Variants in NBEA observed in about 807,000 individuals in gnomAD.
NBEA encodes neurobeachin, also known as lysosomal-trafficking regulator 2.
In NBEA, 44 loss-of-function variants were observed where a neutral mutation model predicts 343.4. The observed-to-expected ratio is 0.13, with a 90% CI of 0.10 to 0.16. The LOEUF is 0.16. Ranked by LOEUF, NBEA falls within the 10% of genes least tolerant of loss-of-function variation. The probability of loss-of-function intolerance (pLI) is 1.00; values close to 1 mark genes in which losing one functional copy is unlikely to be tolerated. For synonymous variants in NBEA, 1,175 were observed against 1,238.7 expected (o/e 0.95, Z 1.08); for missense variants, 2,555 against 3,631.3 (o/e 0.70, Z 7.62).
At chr13:35,124,535 CATATATGGATATATATATACATACACAT>C (rs1427511324) in intron 17 of NBEA, among the ~76,000 whole-genome samples, 22 of 149,068 alleles carry the variant, frequency 1.5e-4, no homozygotes, top group African/African-American at 4.9e-4. Context: ...TATATACACA[CATATATGGATATATATATACATACACAT>C]ATATATGGAT....
intron 34 of NBEA, among the ~76,000 whole-genome samples, chr13:35,256,542 G>A (rs2032614974): frequency 6.6e-6 from 1 of 152,180 alleles, no homozygotes; most frequent in Non-Finnish European, 1.5e-5. Flanking sequence ...TTCTGCCCAG[G>A]AGCCTTTCTT....
At chr13:35,353,379 G>A (rs1028087549) in intron 38 of NBEA, among the ~76,000 whole-genome samples, 1 of 151,976 alleles carries the variant, frequency 6.6e-6, no homozygotes, top group Non-Finnish European at 1.5e-5. Context: ...AGGTTGCAGT[G>A]AGCCGAGATT....
intron 40 of NBEA, among the ~76,000 whole-genome samples, chr13:35,466,878 C>G (rs2075407009): frequency 6.6e-6 from 1 of 152,072 alleles, no homozygotes; most frequent in African/African-American, 2.4e-5. Context: ...GTAGACTTTG[C>G]TACTATGATT....
intron 34 of NBEA, among the ~76,000 whole-genome samples, chr13:35,239,295 A>C (rs140983055): frequency 1.2e-4 from 19 of 152,194 alleles, no homozygotes; most frequent in African/African-American, 4.3e-4. Flanking sequence ...GATATACATG[A>C]TATCAGCTTA....
chr13:34,992,493 G>A (rs996799686), intron 1 of NBEA, among the ~76,000 whole-genome samples: 1 of 150,298 alleles, frequency 6.7e-6, no homozygotes, highest in East Asian at 2.0e-4. Context: ...TGACCACCAC[G>A]CCCGGCCAAG....
chr13:35,045,453 T>G (rs1201304778), intron 4 of NBEA, 52 bp downstream of exon 4: 1 of 1,356,382 alleles, frequency 7.4e-7, no homozygotes, highest in Non-Finnish European at 1.0e-6. Context: ...TTAGGTCACC[T>G]TTAGTAAGGT....
chr13:35,020,915 T>C (rs1390178505), intron 1 of NBEA, among the ~76,000 whole-genome samples: 2 of 152,184 alleles, frequency 1.3e-5, no homozygotes, highest in Non-Finnish European at 2.9e-5. Context: ...ACAAAAATTG[T>C]AGATTTGTCT....
In NBEA at chr13:35,187,321, C is replaced by T. The variant is rs1026072759; in HGVS notation, c.4927+3250C>T. On this transcript the variant is annotated intron_variant, in intron 30 of 58. Transcript: ENST00000379939. ...TTTTGATGTAATCCCTTAGTTCAGA[C>T]TCAAATCCCTTCTTGAAGTATTGCC... 3.3e-5 allele frequency among the ~76,000 whole-genome samples: 5 copies of T among 151,886 alleles called. No individual in the cohort carries two copies. In the South Asian group the frequency reaches 1.0e-3, roughly 32 times the overall value.
At chr13:35,619,670 ACT>A (rs2082893341) in intron 48 of NBEA, among the ~76,000 whole-genome samples, 1 of 151,744 alleles carries the variant, frequency 6.6e-6, no homozygotes, top group South Asian at 2.1e-4. Flanking sequence ...CTAGCTTGAG[ACT>A]CTCAACTGCA....
rs757658148 is a variant in NBEA, at chr13:35,432,384, A to G, written c.6295A>G (p.Ile2099Val). The G allele has an allele frequency of 2.1e-5, 33 of 1,605,930 alleles. No homozygotes were observed. Among genetic ancestry groups the G allele is most frequent in the Non-Finnish European group, 2.8e-5 (33 of 1,175,892 alleles). The change falls in exon 39 of 59, where the codon ATA (isoleucine) becomes GTA (valine). Residue 2099 changes from isoleucine to valine, a missense_variant. Around this residue, in one of 21 missense-constraint regions of NBEA, gnomAD observed 246 missense variants for 313.7 expected, o/e 0.78. Coordinates refer to ENST00000379939, the MANE Select transcript of NBEA (RefSeq NM_001385012.1). ...TGCTGAAGCATTGCTGAAAGCTGCA[A>G]TAGAATATGGTTAGTACCAATGCTT... ...THAEALLKAA[I>V]EYGTEEDVVK...
chr13:34,957,465 C>G (rs528892180), intron 1 of NBEA, among the ~76,000 whole-genome samples: 1 of 152,252 alleles, frequency 6.6e-6, no homozygotes, highest in South Asian at 2.1e-4. Flanking sequence ...ATGATTAAGC[C>G]TGATGATTTC....
intron 34 of NBEA, among the ~76,000 whole-genome samples, chr13:35,276,165 T>C (rs571773664): frequency 1.3e-5 from 2 of 152,302 alleles, no homozygotes; most frequent in East Asian, 1.9e-4. Flanking sequence ...GAAGACACTT[T>C]TGTTTTACAA....
chr13:35,385,060 A>T (rs2042180578), intron 38 of NBEA, among the ~76,000 whole-genome samples: 1 of 152,144 alleles, frequency 6.6e-6, no homozygotes, highest in African/African-American at 2.4e-5. Context: ...CATTTATAGT[A>T]TTACATTTTT....
intron 46 of NBEA, among the ~76,000 whole-genome samples, chr13:35,592,050 T>C (rs150188524): frequency 2.4e-3 from 367 of 152,134 alleles, no homozygotes; most frequent in African/African-American, 8.4e-3. Flanking sequence ...TGGAAGCAAA[T>C]TTAATGACAT....
intron 24 of NBEA, among the ~76,000 whole-genome samples, chr13:35,165,485 C>G (rs941578947): frequency 2.6e-5 from 4 of 152,064 alleles, no homozygotes; most frequent in African/African-American, 9.7e-5. Flanking sequence ...GCAGCTGAAC[C>G]AAGGAAATGG....
At chr13:35,537,091 G>A (rs2078594375) in intron 41 of NBEA, among the ~76,000 whole-genome samples, 1 of 152,154 alleles carries the variant, frequency 6.6e-6, no homozygotes, top group South Asian at 2.1e-4. Context: ...GTAAGCAGTA[G>A]TGTCTACTAT....
intron 38 of NBEA, among the ~76,000 whole-genome samples, chr13:35,428,620 AT>A (rs1293840345): frequency 6.6e-6 from 1 of 151,824 alleles, no homozygotes; most frequent in Admixed American, 6.6e-5. Context: ...TGCTAAGTGT[AT>A]TTTTTTCATT....
chr13:35,584,461 G>A (rs1010660949), intron 46 of NBEA, among the ~76,000 whole-genome samples: 6 of 151,554 alleles, frequency 4.0e-5, no homozygotes, highest in African/African-American at 7.3e-5. Context: ...TAGAACTACA[G>A]GCATGTAACA....
At chr13:35,649,612 T>C (rs757507240) in intron 51 of NBEA, 43 bp from the exon 52 acceptor site, 13 of 1,506,442 alleles carry the variant, frequency 8.6e-6, no homozygotes, top group Non-Finnish European at 1.8e-6. Flanking sequence ...AACTATGTTA[T>C]TCCTTTTGTC....
Sources: gnomAD v4.1 joint callset for allele counts (sites outside exome capture counted in the v4.1 genomes callset) on GRCh38, gnomAD v4.1.1 for gene constraint, gnomAD v4.1.1 regional missense constraint, MANE v1.5 for transcripts, NCBI Gene and HGNC (gene_info 2026-07-23, HGNC 2026-07-21) for gene names.